DISP3: variants seen among roughly 807,000 people sequenced by gnomAD.
The protein encoded by DISP3 is dispatched RND transporter family member 3, also known as protein dispatched homolog 3.
A neutral mutation model predicts 135.3 loss-of-function variants in DISP3; 101 were observed. That is an observed-to-expected ratio of 0.75 (90% CI 0.64 to 0.88). DISP3 has a LOEUF of 0.88. DISP3 is among the 40% of genes least tolerant of loss of function. DISP3 has a pLI of 0.00. For synonymous variants in DISP3, 856 were observed against 817.0 expected, an observed-to-expected ratio of 1.05 and a Z score of -0.81; for missense variants, 1,713 against 1,878.6, an observed-to-expected ratio of 0.91 and a Z score of 1.63.
chr1:11,500,013 G>A (rs904127492), intron 1 of DISP3, among the ~76,000 whole-genome samples: 6 of 152,250 alleles, frequency 3.9e-5, no homozygotes, highest in Non-Finnish European at 8.8e-5. Flanking sequence ...ATGCCGGAAA[G>A]CCTCCTCTCT....
chr1:11,497,631 G>A (rs1641374059), intron 1 of DISP3, among the ~76,000 whole-genome samples: 1 of 152,098 alleles, frequency 6.6e-6, no homozygotes, highest in Non-Finnish European at 1.5e-5. Flanking sequence ...CTCGTGATCC[G>A]CCCACCTCGG....
chr1:11,511,362 G>C (rs1370249078), intron 3 of DISP3, among the ~76,000 whole-genome samples: 1 of 152,152 alleles, frequency 6.6e-6, no homozygotes, highest in Non-Finnish European at 1.5e-5. Context: ...TACAATGGGG[G>C]TACTGGTATT....
At chr1:11,493,680 T>C (rs982057212) in intron 1 of DISP3, among the ~76,000 whole-genome samples, 2 of 151,708 alleles carry the variant, frequency 1.3e-5, no homozygotes, top group African/African-American at 4.8e-5. Flanking sequence ...GCTGAGATCA[T>C]GCCACCACAC....
Position 11,520,021 on chromosome 1 carries a change from T to G in DISP3, c.2200+141T>G. The G allele has an allele frequency of 1.3e-6, 1 of 787,678 alleles. No homozygotes were observed. Among genetic ancestry groups the G allele is most frequent in the Non-Finnish European group, 2.0e-6 (1 of 507,678 alleles). The allele number at this position is 787,678 out of a possible 1,614,324, so 48.8% of individuals were successfully genotyped here. ...TCTCTCCCTCTCTGACCCCCCCTCT[T>G]TCCTGTGCAGAATGAAGCCGGTCAT... On this transcript the variant is annotated intron_variant, in intron 9 of 20. Coordinates refer to ENST00000294484, the MANE Select transcript of DISP3 (RefSeq NM_020780.2). This position sits in a 1 kb window ranked among gnomAD's most constrained non-coding sequence, Gnocchi z 4.8.
intron 2 of DISP3, 127 bp from the exon 3 acceptor site, chr1:11,502,551 A>C: frequency 1.4e-6 from 1 of 726,132 alleles, no homozygotes; most frequent in African/African-American, 1.8e-5. Flanking sequence ...CCTGGGGTGG[A>C]GTTTTGGTGG....
chr1:11,495,487 T>G (rs988031995), intron 1 of DISP3, among the ~76,000 whole-genome samples: 1 of 152,212 alleles, frequency 6.6e-6, no homozygotes, highest in African/African-American at 2.4e-5. Flanking sequence ...TTCCTGGGGC[T>G]GCCAAAAACT....
chr1:11,533,969 G>A (rs566030160), intron 17 of DISP3: 2 of 681,364 alleles, frequency 2.9e-6, no homozygotes, highest in East Asian at 5.4e-5. Flanking sequence ...GACAAGAGCA[G>A]GGGAAGCACT....
Position 11,534,995 on chromosome 1 carries a change from C to T in DISP3, c.3536-16C>T. The T allele has an allele frequency of 6.4e-7, 1 of 1,560,930 alleles. No individual in the cohort carries two copies. The highest frequency in any genetic ancestry group is 8.6e-7 in the Non-Finnish European group (1 of 1,156,876). The stretch of plus-strand genomic sequence containing the variant: ...GCCCACACAGCAGCGCACTGAGGCC[C>T]TGTCCTCCCTTGCAGGGGTGCAGAG... On this transcript the variant is annotated splice_polypyrimidine_tract_variant and intron_variant, in intron 18 of 20. Coordinates refer to ENST00000294484, the MANE Select transcript of DISP3 (RefSeq NM_020780.2).
At chr1:11,522,760 G>GGCCC (rs1642264102) in intron 10 of DISP3, among the ~76,000 whole-genome samples, 1 of 28,740 alleles carries the variant, frequency 3.5e-5, no homozygotes, top group Admixed American at 3.8e-4. Flanking sequence ...ACCCAGCCAG[G>GGCCC]ACCCAGCCAG....
rs916356077 is a variant in DISP3 at position 11,501,741 on chromosome 1, G to C, written c.749G>C (p.Arg250Pro). 1.8e-5 allele frequency: 29 copies of C among 1,591,370 alleles called. No individual in the cohort carries two copies. The highest frequency in any genetic ancestry group is 2.5e-5 in the Non-Finnish European group (29 of 1,167,428). Residue 250 changes from arginine to proline, a missense_variant, in exon 2 of 21, where the codon CGC (arginine) becomes CCC (proline). By Grantham distance (103) the Arg-to-Pro change is moderately radical. Around this residue, in one of 2 missense-constraint regions of DISP3, gnomAD observed 571 missense variants for 494.1 expected, o/e 1.16. Coordinates refer to ENST00000294484, the MANE Select transcript of DISP3 (RefSeq NM_020780.2). This position sits in a 1 kb window ranked among gnomAD's most constrained non-coding sequence, Gnocchi z 4.9. ...GTCGCGGCCAATCAGAGCCGTGCCCGCCGAGGCGCCTCGCGCTGGGACTAC... is the reference window on the plus strand; with the variant it reads ...GTCGCGGCCAATCAGAGCCGTGCCCCCCGAGGCGCCTCGCGCTGGGACTAC... ...AAVAANQSRA[R>P]RGASRWDYSR...
chr1:11,528,860 G>A (rs1416899966), intron 13 of DISP3, among the ~76,000 whole-genome samples: 1 of 152,242 alleles, frequency 6.6e-6, no homozygotes, highest in East Asian at 1.9e-4. Context: ...CCTGAACTCT[G>A]CATGGGGCTG....
chr1:11,519,938 G>A lies in DISP3; in HGVS notation c.2200+58G>A, dbSNP rs976328017. On this transcript the variant is annotated intron_variant, in intron 9 of 20. Coordinates refer to ENST00000294484, the MANE Select transcript of DISP3 (RefSeq NM_020780.2). The surrounding 1 kb of genome is among the most constrained non-coding windows in gnomAD (Gnocchi z 4.3). ...CACAGCTCCACCCCCAAAACACACA[G>A]GAACTGGGAGCCCACCCCCTCTCGC... 3.0e-5 allele frequency: 46 copies of A among 1,525,206 alleles called. No individual in the cohort carries two copies. Among genetic ancestry groups the A allele is most frequent in the Non-Finnish European group, 3.7e-5 (42 of 1,127,470 alleles). 94.5% of individuals were successfully genotyped at this position (1,525,206 alleles called of 1,614,324 possible).
chr1:11,536,477 C>G lies in DISP3; in HGVS notation c.3970C>G (p.Leu1324Val), dbSNP rs745350777. 16 of 1,613,508 alleles carry G rather than the reference C, an allele frequency of 9.9e-6. No individual in the cohort carries two copies. The highest frequency in any genetic ancestry group is 1.3e-5 in the African/African-American group (1 of 74,936). Reference sequence around the variant, plus strand: ...TGCCAAGTTCGGCAAGATTGTGGCACTCAACACGGGCGTGTCCATCCTCTA... The same window carrying G: ...TGCCAAGTTCGGCAAGATTGTGGCAGTCAACACGGGCGTGTCCATCCTCTA... ...PFAKFGKIVA[L>V]NTGVSILYTL... The change falls in exon 21 of 21, where the codon CTC becomes GTC. Residue 1324 changes from leucine to valine, a missense_variant. By Grantham distance (32) the Leu-to-Val change is conservative (BLOSUM62 1). This residue lies in a region of DISP3 where 1,142 missense variants were observed against 1,384.6 expected (regional missense o/e 0.82). Transcript: ENST00000294484. The surrounding 1 kb of genome is among the most constrained non-coding windows in gnomAD (Gnocchi z 4.3).
intron 1 of DISP3, chr1:11,481,950 A>T (rs1345808658): frequency 6.6e-6 from 1 of 152,220 alleles, no homozygotes; most frequent in Non-Finnish European, 1.5e-5. Context: ...TGGGGCAGGC[A>T]TTACTTCTAC....
At chr1:11,503,834 T>C (rs752158766) in intron 3 of DISP3, among the ~76,000 whole-genome samples, 1 of 152,174 alleles carries the variant, frequency 6.6e-6, no homozygotes, top group Non-Finnish European at 1.5e-5. Context: ...GTGTCAGTGT[T>C]CCTATCGTTA....
chr1:11,509,857 T>C (rs1641809259), intron 3 of DISP3, among the ~76,000 whole-genome samples: 2 of 152,150 alleles, frequency 1.3e-5, no homozygotes, highest in Non-Finnish European at 2.9e-5. Context: ...TCCTAGCACT[T>C]TGGGAGGCCG....
At position 11,516,264 on chromosome 1, in the gene DISP3, C is replaced by T. The variant is rs1642010042; in HGVS notation, c.1749+103C>T. 1.4e-6 allele frequency: 2 copies of T among 1,394,186 alleles called. No individual in the cohort carries two copies. The highest frequency in any genetic ancestry group is 4.6e-5 in the East Asian group (2 of 43,018). The allele number at this position is 1,394,186 out of a possible 1,614,324, so 86.4% of individuals were successfully genotyped here. A position where few individuals can be genotyped will look rare whatever the true frequency, so the allele number is the denominator to read the frequency against. On this transcript the variant is annotated intron_variant, in intron 6 of 20. Transcript: ENST00000294484. The surrounding 1 kb of genome is among the most constrained non-coding windows in gnomAD (Gnocchi z 5.1). ...ACCACCGCTTGAGTGGCCATATAGC[C>T]TTCACCTCAAGGTACTTGCCCTGGC...
chr1:11,533,625 C>T, intron 17 of DISP3: 1 of 631,332 alleles, frequency 1.6e-6, no homozygotes, highest in Non-Finnish European at 2.9e-6. Context: ...TCACCTCCCT[C>T]TGCAGACTGA....
At chr1:11,521,873 G>A (rs1570128408) in intron 10 of DISP3, among the ~76,000 whole-genome samples, 1 of 152,174 alleles carries the variant, frequency 6.6e-6, no homozygotes, top group Non-Finnish European at 1.5e-5. Context: ...GTCACTGGAA[G>A]CTAGTCACGT....
Sources: gnomAD v4.1 joint callset for allele counts (sites outside exome capture counted in the v4.1 genomes callset) on GRCh38, gnomAD v4.1.1 for gene constraint, gnomAD v4.1.1 regional missense constraint, Gnocchi (gnomAD v3.1) non-coding constraint, MANE v1.5 for transcripts, NCBI Gene and HGNC (gene_info 2026-07-23, HGNC 2026-07-21) for gene names.